The following LIPG variants were observed in gnomAD, a reference collection of about 807,000 sequenced individuals.
LIPG encodes the protein lipase G, endothelial type.
A neutral mutation model predicts 51.8 loss-of-function variants in LIPG; 34 were observed. That is an observed-to-expected ratio of 0.66 (90% CI 0.50 to 0.87). The LOEUF is 0.87. LIPG is among the 40% of genes least tolerant of loss of function. The pLI is 0.00. For synonymous variants in LIPG, 246 were observed against 246.1 expected (o/e 1.00, Z 0.00); for missense variants, 580 against 652.7 (o/e 0.89, Z 1.21).
At chr18:49,562,005 A>C, upstream of LIPG, 1 of 1,403,976 alleles carries the variant, frequency 7.1e-7, no homozygotes, top group South Asian at 1.7e-5. Context: ...CCATCTGGCG[A>C]TGGGTCAGAT....
In LIPG at chr18:49,562,319, C is replaced by G; in HGVS notation, c.11C>G (p.Ser4Cys). 2 of 1,613,098 alleles carry G rather than the reference C, an allele frequency of 1.2e-6. No individual in the cohort carries two copies. The highest frequency in any genetic ancestry group is 1.1e-5 in the South Asian group (1 of 91,014). The change falls in exon 1 of 10, where the codon TCC (serine) becomes TGC (cysteine). Residue 4 changes from serine to cysteine, a missense_variant. Coordinates refer to ENST00000261292, the MANE Select transcript of LIPG (RefSeq NM_006033.4). ...GTGTGGCGGGGCAGGATGAGCAACT[C>G]CGTTCCTCTGCTCTGTTTCTGGAGC... MSN[S>C]VPLLCFWSLC...
rs2084989371 is a variant in LIPG, at chr18:49,597,558, C to T, written c.*7036C>T. The T allele has an allele frequency of 6.6e-6, 1 of 152,266 alleles. No individual in the cohort carries two copies. Among genetic ancestry groups the T allele is most frequent in the African/African-American group, 2.4e-5 (1 of 41,472 alleles). The allele number at this position is 152,266 out of a possible 1,614,324, so 9.4% of individuals were successfully genotyped here. ...GGTTATCCATACCATTTAACCTTGA[C>T]TTTCCTTAAATCATACCGGTGCGTG... On this transcript the variant is annotated 3_prime_UTR_variant, in exon 10 of 10. Transcript: ENST00000261292.
intron 3 of LIPG, among the ~76,000 whole-genome samples, chr18:49,568,014 A>G (rs1308043037): frequency 6.6e-6 from 1 of 151,984 alleles, no homozygotes; most frequent in Non-Finnish European, 1.5e-5. Flanking sequence ...GGAGGGGGTT[A>G]TTTCAAAAAT....
chr18:49,586,083 G>A lies in LIPG; in HGVS notation c.1377-663G>A, dbSNP rs372586022. Among the ~76,000 whole-genome samples the A allele has an allele frequency of 1.4e-3, 209 of 152,298 alleles. 1 individual carries two copies. Among genetic ancestry groups the A allele is most frequent in the African/African-American group, 4.9e-3 (205 of 41,568 alleles). On this transcript the variant is annotated intron_variant, in intron 8 of 9. Coordinates refer to ENST00000261292, the MANE Select transcript of LIPG (RefSeq NM_006033.4). The stretch of plus-strand genomic sequence containing the variant: ...GCTAATCACACGCCCCTGAGGCTGC[G>A]TGGGGCAGCCATAAGTTACATGGAA...
At chr18:49,582,569 T>A in intron 7 of LIPG, 87 bp downstream of exon 7, 2 of 1,557,898 alleles carry the variant, frequency 1.3e-6, no homozygotes, top group Non-Finnish European at 1.8e-6. Context: ...TGTGAACGAG[T>A]ACAGCACGCA....
At chr18:49,578,507 C>A (rs1481635566) in intron 5 of LIPG, among the ~76,000 whole-genome samples, 1 of 142,872 alleles carries the variant, frequency 7.0e-6, no homozygotes, top group African/African-American at 2.7e-5. Context: ...GATGGGATGG[C>A]GGCCGGGCGG....
chr18:49,568,721 G>A (rs1488191060), intron 3 of LIPG, among the ~76,000 whole-genome samples: 2 of 152,142 alleles, frequency 1.3e-5, no homozygotes, highest in African/African-American at 2.4e-5. Context: ...TGAGATCAGT[G>A]GATTTAGCTG....
intron 4 of LIPG, among the ~76,000 whole-genome samples, 157 bp downstream of exon 4, chr18:49,569,705 CTT>C (rs35711840): frequency 2.0e-5 from 3 of 146,570 alleles, no homozygotes; most frequent in African/African-American, 7.5e-5. Context: ...TCACAAGAAA[CTT>C]TTTTTTTTTT....
At chr18:49,579,004 G>T (rs1359989692) in intron 5 of LIPG, among the ~76,000 whole-genome samples, 1 of 20 alleles carries the variant, frequency 0.05, no homozygotes, top group Non-Finnish European at 0.5. Flanking sequence ...AGACCGTGGG[G>T]AGAGGGAGAG....
At position 49,563,722 on chromosome 18, in the gene LIPG, A is replaced by G. The variant is rs116427751; in HGVS notation, c.97+1317A>G. The stretch of plus-strand genomic sequence containing the variant: ...TGAGCAAAGAGCTGAAGGGGGTGAG[A>G]GAAGGAGCCATGAGGACATCTGGGT... On this transcript the variant is annotated intron_variant, in intron 1 of 9. Coordinates refer to ENST00000261292, the MANE Select transcript of LIPG (RefSeq NM_006033.4). Among the ~76,000 whole-genome samples the G allele has an allele frequency of 4.6e-3, 702 of 152,094 alleles. 7 individuals carry two copies. Among genetic ancestry groups the G allele is most frequent in the African/African-American group, 0.016 (668 of 41,508 alleles).
intron 5 of LIPG, among the ~76,000 whole-genome samples, chr18:49,577,651 C>T (rs1484115418): frequency 3.6e-5 from 5 of 137,498 alleles, no homozygotes; most frequent in South Asian, 2.4e-4. Flanking sequence ...AGGGGGCTGA[C>T]CCCCCCACCT....
chr18:49,578,854 C>G lies in LIPG; in HGVS notation c.794-2561C>G, dbSNP rs1460181177. Among the ~76,000 whole-genome samples the G allele has an allele frequency of 2.5e-4, 37 of 150,576 alleles. No individual in the cohort carries two copies. In the East Asian group the frequency reaches 6.6e-3, roughly 27 times the overall value. On this transcript the variant is annotated intron_variant, in intron 5 of 9. Transcript: ENST00000261292. ...CGGCCAACACAGCGAAACCCCGTCT[C>G]CACCAAAACCAGTCAGGCGTGGTGG...
intron 3 of LIPG, among the ~76,000 whole-genome samples, chr18:49,568,641 A>G (rs2084631901): frequency 6.6e-6 from 1 of 152,122 alleles, no homozygotes; most frequent in Non-Finnish European, 1.5e-5. Flanking sequence ...TCGGCCTCCC[A>G]AAGTGCTGGG....
intron 2 of LIPG, 137 bp downstream of exon 2, chr18:49,565,635 C>T: frequency 1.0e-6 from 1 of 992,004 alleles, no homozygotes; most frequent in Non-Finnish European, 1.5e-6. Flanking sequence ...GTATTTCAGA[C>T]AGCTGTGAAG....
chr18:49,583,390 C>T (rs1408909078), intron 7 of LIPG, among the ~76,000 whole-genome samples, 166 bp from the exon 8 acceptor site: 1 of 152,056 alleles, frequency 6.6e-6, no homozygotes, highest in African/African-American at 2.4e-5. Context: ...ACCTGAGCTT[C>T]CATCTTGGTC....
intron 1 of LIPG, among the ~76,000 whole-genome samples, chr18:49,563,216 A>T (rs1448318058): frequency 2.6e-5 from 4 of 152,092 alleles, no homozygotes; most frequent in Non-Finnish European, 5.9e-5. Flanking sequence ...GGTTGTGCCA[A>T]ATGGTCTGTG....
chr18:49,575,430 C>A lies in LIPG; in HGVS notation c.633C>A (p.Asp211Glu), dbSNP rs111673626. 6.2e-7 allele frequency: 1 copy of A among 1,614,118 alleles called. No individual in the cohort carries two copies. The highest frequency in any genetic ancestry group is 1.7e-5 in the Admixed American group (1 of 60,022). ...GADIHKRLSP[D>E]DADFVDVLHT... ...ACATCCACAAGAGGCTCTCTCCGGA[C>A]GATGCAGATTTTGTGGATGTCCTCC... The change falls in exon 5 of 10, where the codon GAC becomes GAA. Residue 211 changes from aspartate (D) to glutamate (E), a missense_variant. Coordinates refer to ENST00000261292, the MANE Select transcript of LIPG (RefSeq NM_006033.4).
chr18:49,569,962 T>A (rs1249529612), intron 4 of LIPG, among the ~76,000 whole-genome samples: 1 of 152,204 alleles, frequency 6.6e-6, no homozygotes, highest in East Asian at 1.9e-4. Context: ...AAACAGCTAA[T>A]AACTCAAGAG....
chr18:49,576,851 A>G (rs1208924184), intron 5 of LIPG, among the ~76,000 whole-genome samples: 1 of 152,148 alleles, frequency 6.6e-6, no homozygotes, highest in Admixed American at 6.5e-5. Context: ...GGCTCAAGCT[A>G]TCCCCCTGCC....
Sources: gnomAD v4.1 joint callset for allele counts (sites outside exome capture counted in the v4.1 genomes callset) on GRCh38, gnomAD v4.1.1 for gene constraint, MANE v1.5 for transcripts, NCBI Gene and HGNC (gene_info 2026-07-23, HGNC 2026-07-21) for gene names.